DIDO1: variants seen among roughly 807,000 people sequenced by gnomAD.
DIDO1 encodes death-inducer obliterator 1.
In DIDO1, 16 loss-of-function variants were observed where a neutral mutation model predicts 99.4. That is an observed-to-expected ratio of 0.16 (90% CI 0.11 to 0.24). The LOEUF (loss-of-function observed/expected upper bound fraction) is 0.24. DIDO1 is among the 10% of genes least tolerant of loss of function. The probability of loss-of-function intolerance (pLI) is 1.00; values close to 1 mark genes in which losing one functional copy is unlikely to be tolerated. For synonymous variants in DIDO1, 1,366 were observed against 1,239.1 expected (o/e 1.10, Z -2.15); for missense variants, 2,996 against 3,014.0 (o/e 0.99, Z 0.14).
At chr20:62,904,250 C>A (rs972440454) in intron 6 of DIDO1, among the ~76,000 whole-genome samples, 1 of 152,128 alleles carries the variant, frequency 6.6e-6, no homozygotes, top group African/African-American at 2.4e-5. Context: ...ACACTTTAAG[C>A]CCATTAGCTC....
chr20:62,905,790 C>G, intron 6 of DIDO1, 97 bp downstream of exon 6: 1 of 1,612,974 alleles, frequency 6.2e-7, no homozygotes, highest in South Asian at 1.1e-5. Flanking sequence ...ATCAGCTTAA[C>G]ACAAAGCTGC....
chr20:62,916,468 A>C (rs192186961), intron 1 of DIDO1, among the ~76,000 whole-genome samples: 2 of 152,344 alleles, frequency 1.3e-5, no homozygotes, highest in East Asian at 3.9e-4. Context: ...CAAGTTGAGA[A>C]CACCAAAGAG....
chr20:62,881,123 T>G lies in DIDO1; in HGVS notation c.4833A>C (p.Glu1611Asp), dbSNP rs765247744. 2 of 1,609,192 alleles carry G rather than the reference T, an allele frequency of 1.2e-6. No homozygotes were observed. Among genetic ancestry groups the G allele is most frequent in the Admixed American group, 3.3e-5 (2 of 59,866 alleles). ...VGQAPMPVPE[E>D]KEPASSPWAS... The stretch of plus-strand genomic sequence containing the variant: ...CCCAGGGGGAAGAGGCTGGCTCTTT[T>G]TCCTCCGGGACTGGCATGGGCGCCT... The change falls in exon 16 of 16, where the codon GAA (glutamate) becomes GAC (aspartate). Residue 1611 changes from glutamate to aspartate, a missense_variant. Glu to Asp is a conservative substitution (Grantham distance 45). Around this residue, in one of 5 missense-constraint regions of DIDO1, gnomAD observed 1,562 missense variants for 1,412.6 expected, o/e 1.11. Coordinates refer to ENST00000395343, the MANE Select transcript of DIDO1 (RefSeq NM_001193369.2). This position sits in a 1 kb window ranked among gnomAD's most constrained non-coding sequence, Gnocchi z 8.3.
At position 62,881,277 on chromosome 20, in the gene DIDO1, G is replaced by C; in HGVS notation, c.4679C>G (p.Pro1560Arg). Residue 1560 changes from proline to arginine, a missense_variant, in exon 16 of 16, where the codon CCC (proline) becomes CGC (arginine). Pro to Arg is a moderately radical substitution (Grantham distance 103, BLOSUM62 -2). This residue lies in a region of DIDO1 where 1,562 missense variants were observed against 1,412.6 expected (regional missense o/e 1.11). Coordinates refer to ENST00000395343, the MANE Select transcript of DIDO1 (RefSeq NM_001193369.2). The surrounding 1 kb of genome is among the most constrained non-coding windows in gnomAD (Gnocchi z 8.3). ...PASQASNHRD[P>R]RQARRLATET... ...AGTGGCCAGGCGCCTCGCCTGCCGG[G>C]GGTCCCTGTGGTTTGACGCCTGGCT... 1 of 1,604,744 alleles carries C rather than the reference G, an allele frequency of 6.2e-7. No homozygotes were observed. Among genetic ancestry groups the C allele is most frequent in the South Asian group, 1.1e-5 (1 of 90,952 alleles).
At chr20:62,923,626 C>G (rs989522214) in intron 1 of DIDO1, among the ~76,000 whole-genome samples, 12 of 152,238 alleles carry the variant, frequency 7.9e-5, no homozygotes, top group African/African-American at 2.4e-4. Context: ...TAACGTGGAG[C>G]TTTTCTGGAC....
intron 6 of DIDO1, among the ~76,000 whole-genome samples, chr20:62,898,443 G>A (rs966972123): frequency 2.0e-5 from 3 of 152,082 alleles, no homozygotes; most frequent in Non-Finnish European, 2.9e-5. Flanking sequence ...TCCAAAAAGC[G>A]GTGTCACTGT....
At chr20:62,889,449 G>A in intron 15 of DIDO1, 1 of 985,454 alleles carries the variant, frequency 1.0e-6, no homozygotes, top group Non-Finnish European at 1.2e-6. Flanking sequence ...CGCCTCAATT[G>A]TTTTAAAAAG....
upstream of DIDO1, among the ~76,000 whole-genome samples, chr20:62,930,494 C>T (rs2065322337): frequency 6.6e-6 from 1 of 152,196 alleles, no homozygotes; most frequent in Non-Finnish European, 1.5e-5. Flanking sequence ...ACCCCAAAGA[C>T]CTCTAGAAAG....
At chr20:62,905,557 A>G (rs892081904) in intron 6 of DIDO1, 4 of 1,551,092 alleles carry the variant, frequency 2.6e-6, no homozygotes, top group East Asian at 2.4e-5. Flanking sequence ...CAGTGTGGCT[A>G]TGCAATCAGA....
At chr20:62,928,959 A>C (rs1387865647), upstream of DIDO1, 1 of 145,234 alleles carries the variant, frequency 6.9e-6, no homozygotes, top group African/African-American at 2.5e-5. Flanking sequence ...CGGAAAACTC[A>C]GCAATTCTTA....
chr20:62,925,166 G>A lies in DIDO1; in HGVS notation c.-200+1273C>T, dbSNP rs541876856. Among the ~76,000 whole-genome samples the A allele has an allele frequency of 4.6e-5, 7 of 152,150 alleles. No individual in the cohort carries two copies. The South Asian group carries it at 1.4e-3, about 32-fold the overall frequency. On this transcript the variant is annotated intron_variant, in intron 1 of 15. Transcript: ENST00000395343. ...GCCCTAGGCTCCAGGTAAACGAGTTGGCAACACCTGATTTAAAGGAAGGAG... is the reference window on the plus strand; with the variant it reads ...GCCCTAGGCTCCAGGTAAACGAGTTAGCAACACCTGATTTAAAGGAAGGAG...
At chr20:62,907,420 G>A in intron 4 of DIDO1, 61 bp from the exon 5 acceptor site, 1 of 1,539,148 alleles carries the variant, frequency 6.5e-7, no homozygotes, top group Non-Finnish European at 8.9e-7. Context: ...AGTTAAGTGT[G>A]TGTTTTGTAA....
Position 62,881,920 on chromosome 20 carries a change from G to T in DIDO1, c.4036C>A (p.Pro1346Thr), listed in dbSNP as rs745490114. The stretch of plus-strand genomic sequence containing the variant: ...ACCCCGTCCTCTGCTGTGGTTTTGG[G>T]CTCCTGGGGGAGACCTGCGGTGGAC... ...PGSTAGLPQEPKTTAEDGVPA... is the reference protein window; with the variant it reads ...PGSTAGLPQETKTTAEDGVPA... Residue 1346 changes from proline (P) to threonine (T), a missense_variant, in exon 16 of 16, where the codon CCC (proline) becomes ACC (threonine). Pro to Thr is a conservative substitution (Grantham distance 38). Coordinates refer to ENST00000395343, the MANE Select transcript of DIDO1 (RefSeq NM_001193369.2). This position sits in a 1 kb window ranked among gnomAD's most constrained non-coding sequence, Gnocchi z 8.3. 2 of 1,613,476 alleles carry T rather than the reference G, an allele frequency of 1.2e-6. No homozygotes were observed. The highest frequency in any genetic ancestry group is 1.7e-6 in the Non-Finnish European group (2 of 1,180,038).
intron 15 of DIDO1, chr20:62,890,190 C>T (rs2064369369): frequency 5.1e-6 from 5 of 985,906 alleles, no homozygotes; most frequent in South Asian, 9.4e-5. Context: ...TCCACACACC[C>T]GCTTTGAGAG....
In DIDO1 at chr20:62,937,795, C is replaced by G; in HGVS notation, c.-200+1G>C. 2.5e-6 allele frequency: 1 copy of G among 398,412 alleles called. No homozygotes were observed. The highest frequency in any genetic ancestry group is 2.1e-5 in the African/African-American group (1 of 48,742). 24.7% of individuals were successfully genotyped at this position (398,412 alleles called of 1,614,324 possible). ...GCAAACGACAGGAAAAAAGCTGGGA[C>G]CTTCGCCTCCGACTCAGTGTAGACG... On this transcript the variant is annotated splice_donor_variant, in intron 1 of 15. Transcript: ENST00000266070. LOFTEE classifies it low-confidence loss of function (5UTR_SPLICE).
At chr20:62,898,753 TA>T (rs886353500) in intron 6 of DIDO1, among the ~76,000 whole-genome samples, 1 of 152,088 alleles carries the variant, frequency 6.6e-6, no homozygotes, top group African/African-American at 2.4e-5. Flanking sequence ...AAGCGCACTA[TA>T]AAAAATGGCA....
chr20:62,882,643 C>G (rs1164923577), intron 15 of DIDO1, among the ~76,000 whole-genome samples: 3 of 152,208 alleles, frequency 2.0e-5, no homozygotes, highest in Non-Finnish European at 4.4e-5. Context: ...AGGAATGCAC[C>G]AACCCAGTCC....
rs751037703 is a variant in DIDO1 at position 62,911,035 on chromosome 20, C to T, written c.578G>A (p.Arg193Gln). The change falls in exon 3 of 16, where the codon CGG becomes CAG. Residue 193 changes from arginine to glutamine, a missense_variant. By Grantham distance (43) the Arg-to-Gln change is conservative. Coordinates refer to ENST00000395343, the MANE Select transcript of DIDO1 (RefSeq NM_001193369.2). The surrounding 1 kb of genome is among the most constrained non-coding windows in gnomAD (Gnocchi z 7.0). ...GIQSRLRKKR[R>Q]EEGPAETVGS... Reference sequence around the variant, plus strand: ...CACAGTCTCGGCGGGACCCTCCTCCCGGCGCTTCTTCCGCAGGCGACTCTG... The same window carrying T: ...CACAGTCTCGGCGGGACCCTCCTCCTGGCGCTTCTTCCGCAGGCGACTCTG... 8.7e-6 allele frequency: 14 copies of T among 1,613,690 alleles called. No homozygotes were observed. The East Asian group carries it at 8.9e-5, about 10-fold the overall frequency.
intron 1 of DIDO1, among the ~76,000 whole-genome samples, chr20:62,916,814 C>T (rs555485593): frequency 1.3e-5 from 2 of 152,314 alleles, no homozygotes; most frequent in Non-Finnish European, 1.5e-5. Context: ...CACCAACTCT[C>T]GCCAAGGAGC....
Sources: allele counts gnomAD v4.1 joint callset (sites outside exome capture counted in the v4.1 genomes callset), GRCh38; gene constraint gnomAD v4.1.1; regional missense constraint gnomAD v4.1.1; non-coding constraint Gnocchi (gnomAD v3.1); transcripts MANE v1.5; gene names NCBI Gene and HGNC (gene_info 2026-07-23, HGNC 2026-07-21).